ALKBH8: variants seen among roughly 807,000 people sequenced by gnomAD.
The protein encoded by ALKBH8 is alkB homolog 8, tRNA methyltransferase, also known as tRNA (carboxymethyluridine(34)-5-O)-methyltransferase ALKBH8.
In ALKBH8, 36 loss-of-function variants were observed where a neutral mutation model predicts 59.8. That is an observed-to-expected ratio of 0.60 (90% CI 0.46 to 0.79). The LOEUF (loss-of-function observed/expected upper bound fraction) is 0.79, where lower values mean the gene tolerates loss of function less well. Ranked by LOEUF, ALKBH8 falls within the 30% of genes least tolerant of loss-of-function variation. ALKBH8 has a pLI of 0.00. For synonymous variants in ALKBH8, 276 were observed against 273.6 expected (o/e 1.01, Z -0.09); for missense variants, 768 against 801.0 (o/e 0.96, Z 0.50).
chr11:107,510,413 A>G (rs908600039), intron 11 of ALKBH8, among the ~76,000 whole-genome samples: 1 of 152,208 alleles, frequency 6.6e-6, no homozygotes, highest in African/African-American at 2.4e-5. Flanking sequence ...AAAAAAGAAC[A>G]GGAAAGGAAG....
At position 107,529,927 on chromosome 11, in the gene ALKBH8, G is replaced by A. The variant is rs558769411; in HGVS notation, c.878+2373C>T. ...CTGATGCTCAGCCTTAGATCAGGGA[G>A]TAACAGAAAGGGGTAGGAACTGTAG... On this transcript the variant is annotated intron_variant, in intron 8 of 11. Transcript: ENST00000428149. 3.3e-5 allele frequency among the ~76,000 whole-genome samples: 5 copies of A among 152,296 alleles called. No individual in the cohort carries two copies. The East Asian group carries it at 9.7e-4, about 29-fold the overall frequency.
At chr11:107,557,988 C>G (rs1362401607) in intron 2 of ALKBH8, among the ~76,000 whole-genome samples, 1 of 152,090 alleles carries the variant, frequency 6.6e-6, no homozygotes, top group East Asian at 1.9e-4. Flanking sequence ...TGACGTTTTT[C>G]TGAGAAGAGG....
chr11:107,515,296 C>T (rs1356493923), intron 10 of ALKBH8, among the ~76,000 whole-genome samples: 1 of 152,184 alleles, frequency 6.6e-6, no homozygotes, highest in African/African-American at 2.4e-5. Context: ...TTGCGTAAAG[C>T]TACATATTTC....
At chr11:107,529,762 A>G (rs545148396) in intron 8 of ALKBH8, among the ~76,000 whole-genome samples, 3 of 152,020 alleles carry the variant, frequency 2.0e-5, no homozygotes, top group African/African-American at 7.3e-5. Context: ...TTGGCCTCCC[A>G]AAGTGCTAGG....
At chr11:107,565,356 G>A (rs942179776) in intron 1 of ALKBH8, 37 of 584,936 alleles carry the variant, frequency 6.3e-5, no homozygotes, top group African/African-American at 6.2e-4. Flanking sequence ...GAAAACAGAA[G>A]ATTGACACAG....
chr11:107,525,577 T>C lies in ALKBH8; in HGVS notation c.894A>G (p.Lys298=). The C allele has an allele frequency of 7.0e-7, 1 of 1,419,640 alleles. No individual in the cohort carries two copies. 87.9% of individuals were successfully genotyped at this position (1,419,640 alleles called of 1,614,324 possible). The change falls in exon 9 of 12, where the codon AAA becomes AAG. Residue 298 remains lysine, a synonymous_variant. Transcript: ENST00000428149. ...YLWTHGITCR[K]FDTVQASESL... is the part of the protein sequence containing the mutation. ...TCTCAGATGCTTGAACAGTATCAAA[T>C]TTTCTGCACGTGATTCTAAAAACAA...
intron 1 of ALKBH8, 90 bp downstream of exon 1, chr11:107,565,511 G>A (rs1002640060): frequency 2.0e-6 from 3 of 1,524,758 alleles, no homozygotes; most frequent in Admixed American, 2.0e-5. Flanking sequence ...AGCCCTAGCT[G>A]GCAAGGCGGA....
At chr11:107,511,499 AT>A (rs970741734) in intron 10 of ALKBH8, among the ~76,000 whole-genome samples, 29 of 151,990 alleles carry the variant, frequency 1.9e-4, no homozygotes, top group African/African-American at 6.8e-4. Flanking sequence ...AGGATAGGCA[AT>A]TTTTTTTCTG....
At chr11:107,529,668 CTAA>C in intron 8 of ALKBH8, among the ~76,000 whole-genome samples, 2 of 151,870 alleles carry the variant, frequency 1.3e-5, no homozygotes, top group African/African-American at 4.9e-5. Flanking sequence ...CTATGCCTGG[CTAA>C]TTTTTGTATT....
intron 2 of ALKBH8, among the ~76,000 whole-genome samples, chr11:107,558,544 G>A (rs1233271182): frequency 1.3e-5 from 2 of 152,138 alleles, no homozygotes; most frequent in Non-Finnish European, 2.9e-5. Context: ...TCTAGGAATG[G>A]AAGATGATGA....
At chr11:107,528,222 G>A (rs1387237363) in intron 8 of ALKBH8, among the ~76,000 whole-genome samples, 3 of 151,958 alleles carry the variant, frequency 2.0e-5, no homozygotes. Flanking sequence ...TCTGTTATGG[G>A]TTTTCTCATC....
At chr11:107,529,130 G>A (rs896013883) in intron 8 of ALKBH8, among the ~76,000 whole-genome samples, 3 of 152,188 alleles carry the variant, frequency 2.0e-5, no homozygotes, top group African/African-American at 7.2e-5. Context: ...TCCTGGCTCT[G>A]CGACTTACTG....
chr11:107,541,199 G>A (rs1159067173), intron 7 of ALKBH8, among the ~76,000 whole-genome samples: 1 of 152,140 alleles, frequency 6.6e-6, no homozygotes, highest in African/African-American at 2.4e-5. Flanking sequence ...CATGGCAATG[G>A]TAGTGCTGAT....
At chr11:107,516,715 T>A (rs1014829156) in intron 10 of ALKBH8, among the ~76,000 whole-genome samples, 9 of 152,170 alleles carry the variant, frequency 5.9e-5, no homozygotes, top group Non-Finnish European at 1.2e-4. Context: ...GATAAGGAAT[T>A]AATATCCAAA....
Position 107,504,566 on chromosome 11 carries a change from T to C in ALKBH8, c.*92A>G. On this transcript the variant is annotated 3_prime_UTR_variant, in exon 12 of 12. Coordinates refer to ENST00000428149, the MANE Select transcript of ALKBH8 (RefSeq NM_138775.3). ...CTTTCCTTTGGTACTTTCCCACAAG[T>C]TTTCTCTTTAATTAAAAGGGTAATT... is the stretch of plus-strand genomic sequence containing the variant. 2 of 1,477,032 alleles carry C rather than the reference T, an allele frequency of 1.4e-6. No homozygotes were observed. The highest frequency in any genetic ancestry group is 2.4e-5 in the South Asian group (2 of 81,702). The allele number at this position is 1,477,032 out of a possible 1,614,324, so 91.5% of individuals were successfully genotyped here.
chr11:107,510,854 C>G, intron 11 of ALKBH8, 33 bp downstream of exon 11: 1 of 1,545,024 alleles, frequency 6.5e-7, no homozygotes, highest in East Asian at 2.4e-5. Flanking sequence ...GCTTTAGCTA[C>G]AAGTTCTTAA....
At chr11:107,507,532 T>C (rs1049290217) in intron 11 of ALKBH8, among the ~76,000 whole-genome samples, 15 of 152,306 alleles carry the variant, frequency 9.8e-5, no homozygotes, top group African/African-American at 3.4e-4. Context: ...TAATAACTAA[T>C]ATTTTCTGAG....
intron 2 of ALKBH8, among the ~76,000 whole-genome samples, chr11:107,557,323 A>C (rs536205231): frequency 1.3e-5 from 2 of 152,230 alleles, no homozygotes; most frequent in Non-Finnish European, 2.9e-5. Context: ...ATAATGAAAG[A>C]GGTGGAGAGG....
chr11:107,518,908 C>G (rs1862988306), intron 10 of ALKBH8, among the ~76,000 whole-genome samples: 2 of 152,172 alleles, frequency 1.3e-5, no homozygotes, highest in Admixed American at 6.5e-5. Flanking sequence ...TCTAGCACCA[C>G]TAGGTTAGGG....
Sources: gnomAD v4.1 joint callset for allele counts (sites outside exome capture counted in the v4.1 genomes callset) on GRCh38, gnomAD v4.1.1 for gene constraint, MANE v1.5 for transcripts, NCBI Gene and HGNC (gene_info 2026-07-23, HGNC 2026-07-21) for gene names.